CNTNAP4: variants seen among roughly 807,000 people sequenced by gnomAD.
CNTNAP4 encodes contactin associated protein family member 4.
Under a neutral mutation model 148.4 loss-of-function variants are expected in CNTNAP4, and 98 were observed. The observed-to-expected ratio is 0.66, with a 90% CI of 0.56 to 0.78. The LOEUF (loss-of-function observed/expected upper bound fraction) is 0.78, where lower values mean the gene tolerates loss of function less well. CNTNAP4 is among the 30% of genes least tolerant of loss of function. The pLI, the probability that CNTNAP4 is intolerant of heterozygous loss-of-function variation, is 0.00. For synonymous variants in CNTNAP4, 730 were observed against 565.1 expected (o/e 1.29, Z -4.14); for missense variants, 1,935 against 1,565.6 (o/e 1.24, Z -3.98).
intron 2 of CNTNAP4, among the ~76,000 whole-genome samples, chr16:76,352,524 G>A (rs1038367148): frequency 1.3e-5 from 2 of 152,150 alleles, no homozygotes; most frequent in East Asian, 1.9e-4. Flanking sequence ...TTAGGGGCAT[G>A]GTGCCTCTTG....
intron 10 of CNTNAP4, among the ~76,000 whole-genome samples, chr16:76,474,387 G>A (rs535007059): frequency 1.3e-5 from 2 of 152,292 alleles, no homozygotes; most frequent in South Asian, 4.1e-4. Context: ...CAGGTCAAGG[G>A]CCTGTAGTCC....
intron 21 of CNTNAP4, among the ~76,000 whole-genome samples, chr16:76,549,628 C>G (rs1327755825): frequency 2.0e-5 from 3 of 151,424 alleles, no homozygotes; most frequent in Non-Finnish European, 4.4e-5. Context: ...AGGAGATTCT[C>G]ATAAAGCAAA....
At chr16:76,518,079 C>T (rs914297119) in intron 15 of CNTNAP4, among the ~76,000 whole-genome samples, 2 of 151,726 alleles carry the variant, frequency 1.3e-5, no homozygotes, top group African/African-American at 2.4e-5. Flanking sequence ...ATATAATTTC[C>T]TTTATTCTGG....
intron 1 of CNTNAP4, among the ~76,000 whole-genome samples, chr16:76,295,249 C>T (rs1174999517): frequency 1.3e-5 from 2 of 152,110 alleles, no homozygotes; most frequent in Non-Finnish European, 1.5e-5. Flanking sequence ...CCCATCATAG[C>T]GAGGTCCACA....
intron 2 of CNTNAP4, among the ~76,000 whole-genome samples, chr16:76,344,532 C>G (rs572850960): frequency 1.4e-5 from 2 of 145,806 alleles, no homozygotes; most frequent in South Asian, 4.4e-4. Context: ...GTGTATTAAT[C>G]ATTCAGATCT....
intron 10 of CNTNAP4, among the ~76,000 whole-genome samples, chr16:76,469,845 G>A (rs952034631): frequency 1.3e-5 from 2 of 152,058 alleles, no homozygotes; most frequent in Admixed American, 6.5e-5. Context: ...AAAAATCAAA[G>A]TAACATTTGC....
intron 15 of CNTNAP4, among the ~76,000 whole-genome samples, chr16:76,503,428 C>T (rs1192976051): frequency 1.3e-5 from 2 of 152,102 alleles, no homozygotes; most frequent in Admixed American, 6.5e-5. Flanking sequence ...TGTCTGTTTA[C>T]AGGTAACATG....
Position 76,498,676 on chromosome 16 carries a change from C to T in CNTNAP4, c.2347C>T (p.Leu783=). ...HSEAAYKLGP[L]LCQGDRSFWN... ...AGAAGCAGCTTATAAACTGGGGCCT[C>T]TGCTCTGCCAGGGAGACAGTAAGTG... Residue 783 remains leucine, a synonymous_variant, in exon 15 of 24, where the codon CTG becomes TTG. Coordinates refer to ENST00000611870, the MANE Select transcript of CNTNAP4 (RefSeq NM_033401.5). 1 of 1,610,748 alleles carries T rather than the reference C, an allele frequency of 6.2e-7. No individual in the cohort carries two copies. The highest frequency in any genetic ancestry group is 8.5e-7 in the Non-Finnish European group (1 of 1,178,570).
At chr16:76,367,328 A>G (rs2014259787) in intron 3 of CNTNAP4, among the ~76,000 whole-genome samples, 2 of 152,120 alleles carry the variant, frequency 1.3e-5, no homozygotes, top group African/African-American at 4.8e-5. Context: ...AAAATATAGG[A>G]CAATGTAAAG....
At chr16:76,323,368 T>G (rs1480185814) in intron 2 of CNTNAP4, among the ~76,000 whole-genome samples, 1 of 152,146 alleles carries the variant, frequency 6.6e-6, no homozygotes, top group Non-Finnish European at 1.5e-5. Context: ...AACATTAACA[T>G]TTTGATAAAG....
intron 3 of CNTNAP4, among the ~76,000 whole-genome samples, chr16:76,359,594 TGATA>T (rs1412236015): frequency 1.3e-5 from 2 of 152,130 alleles, no homozygotes; most frequent in African/African-American, 4.8e-5. Context: ...AATGCAAACT[TGATA>T]GATATGTGAT....
intron 21 of CNTNAP4, among the ~76,000 whole-genome samples, chr16:76,544,892 G>A (rs1349955319): frequency 1.3e-5 from 2 of 152,246 alleles, no homozygotes; most frequent in East Asian, 1.9e-4. Context: ...AAAGTGTGTA[G>A]GCAGCAAGGA....
chr16:76,478,501 C>T (rs545838299), intron 11 of CNTNAP4, among the ~76,000 whole-genome samples: 5 of 152,120 alleles, frequency 3.3e-5, no homozygotes, highest in African/African-American at 9.7e-5. Flanking sequence ...TAGTATTTCA[C>T]GTTGTTTAAA....
intron 12 of CNTNAP4, among the ~76,000 whole-genome samples, chr16:76,485,228 C>T (rs9925543): frequency 0.42 from 64,322 of 152,062 alleles, 13,631 homozygotes; most frequent in Admixed American, 0.44. Flanking sequence ...AGCATTTCTC[C>T]TGCCTCAGCC....
intron 12 of CNTNAP4, among the ~76,000 whole-genome samples, chr16:76,487,656 C>T (rs1383143953): frequency 6.6e-6 from 1 of 152,200 alleles, no homozygotes; most frequent in African/African-American, 2.4e-5. Context: ...TGTGTCTGTT[C>T]TGCCCTGGAA....
At chr16:76,339,322 C>A (rs1355501890) in intron 2 of CNTNAP4, among the ~76,000 whole-genome samples, 1 of 152,072 alleles carries the variant, frequency 6.6e-6, no homozygotes, top group East Asian at 1.9e-4. Flanking sequence ...ATTTCTGCCT[C>A]CTTCCTAGCT....
chr16:76,347,246 C>T (rs557415814), intron 2 of CNTNAP4, among the ~76,000 whole-genome samples: 35 of 152,030 alleles, frequency 2.3e-4, no homozygotes, highest in African/African-American at 8.4e-4. Context: ...TCTGTGCCTT[C>T]AGTTTGGGTA....
rs143047900 is a variant in CNTNAP4, at chr16:76,449,835, C to G, written c.1048C>G (p.Gln350Glu). ...GVDIIDLAKQQKPQIIAMGNV... is the reference protein window; with the variant it reads ...GVDIIDLAKQEKPQIIAMGNV... ...GGATATCATTGATTTGGCCAAGCAG[C>G]AAAAACCACAGATCATTGCTATGGT... The change falls in exon 7 of 24, where the codon CAA (glutamine) becomes GAA (glutamate). Residue 350 changes from glutamine (Q) to glutamate (E), a missense_variant. Transcript: ENST00000611870. 3.9e-4 allele frequency: 623 copies of G among 1,607,176 alleles called. 1 individual carries two copies. In the African/African-American group the frequency reaches 7.6e-3, roughly 20 times the overall value.
At chr16:76,462,977 G>A (rs184988694) in intron 9 of CNTNAP4, among the ~76,000 whole-genome samples, 183 of 152,128 alleles carry the variant, frequency 1.2e-3, no homozygotes, top group Middle Eastern at 0.01. Context: ...AAGTATTGAC[G>A]GTGAGCACAC....
Sources: gnomAD v4.1 joint callset for allele counts (sites outside exome capture counted in the v4.1 genomes callset) on GRCh38, gnomAD v4.1.1 for gene constraint, MANE v1.5 for transcripts, NCBI Gene and HGNC (gene_info 2026-07-23, HGNC 2026-07-21) for gene names.